The following DSCAM variants were observed in gnomAD, a reference collection of about 807,000 sequenced individuals.
DSCAM encodes the protein cell adhesion molecule DSCAM.
Under a neutral mutation model 217.7 loss-of-function variants are expected in DSCAM, and 47 were observed. The ratio of observed to expected loss-of-function variants is 0.22; its 90% CI spans 0.17 to 0.28. The LOEUF (loss-of-function observed/expected upper bound fraction) is 0.28. Ranked by LOEUF, DSCAM falls within the 10% of genes least tolerant of loss-of-function variation. The pLI is 1.00. For missense variants in DSCAM, 2,080 were observed against 2,618.3 expected (o/e 0.79, Z 4.49); for synonymous variants, 1,056 against 1,015.3 (o/e 1.04, Z -0.76).
intron 3 of DSCAM, among the ~76,000 whole-genome samples, chr21:40,471,220 C>A (rs1336989104): frequency 6.6e-6 from 1 of 152,190 alleles, no homozygotes; most frequent in African/African-American, 2.4e-5. Context: ...TCTGACCAAT[C>A]CTGCAGAAAA....
intron 1 of DSCAM, among the ~76,000 whole-genome samples, chr21:40,750,055 G>A (rs191962624): frequency 1.3e-5 from 2 of 152,048 alleles, no homozygotes; most frequent in East Asian, 1.9e-4. Flanking sequence ...AGCCTCCTGA[G>A]TAGCTGCGAT....
rs535272724 is a variant in DSCAM, at chr21:40,762,664, G to T, written c.44-53893C>A. On this transcript the variant is annotated intron_variant, in intron 1 of 32. Transcript: ENST00000400454. ...ACCTGGCAGAGACACAACAAGAAAA[G>T]AAAATTTCAGGCCGATATCCCTGAT... Among the ~76,000 whole-genome samples, 65 of 152,226 alleles carry T rather than the reference G, an allele frequency of 4.3e-4. 1 individual carries two copies. The highest frequency in any genetic ancestry group is 3.7e-3 in the Admixed American group (56 of 15,286).
intron 1 of DSCAM, among the ~76,000 whole-genome samples, chr21:40,745,769 T>G (rs1326053439): frequency 6.6e-6 from 1 of 152,090 alleles, no homozygotes; most frequent in Non-Finnish European, 1.5e-5. Flanking sequence ...TACTATAATA[T>G]TGTAATTGTG....
intron 8 of DSCAM, among the ~76,000 whole-genome samples, chr21:40,320,971 G>A (rs1030514527): frequency 6.6e-6 from 1 of 152,218 alleles, no homozygotes; most frequent in Non-Finnish European, 1.5e-5. Flanking sequence ...GAGTTTATGA[G>A]AGTTCATAGA....
At chr21:40,258,426 A>G (rs1388537633) in intron 11 of DSCAM, among the ~76,000 whole-genome samples, 2 of 152,254 alleles carry the variant, frequency 1.3e-5, no homozygotes, top group African/African-American at 4.8e-5. Context: ...AAAGTGAAAT[A>G]TGAGCTACTC....
At chr21:40,649,828 T>C (rs1233655171) in intron 3 of DSCAM, among the ~76,000 whole-genome samples, 1 of 152,212 alleles carries the variant, frequency 6.6e-6, no homozygotes, top group Non-Finnish European at 1.5e-5. Context: ...CCAGCTCCTC[T>C]TTTCACTATA....
At chr21:40,581,817 C>T (rs1387494489) in intron 3 of DSCAM, among the ~76,000 whole-genome samples, 2 of 152,122 alleles carry the variant, frequency 1.3e-5, no homozygotes, top group Admixed American at 6.5e-5. Flanking sequence ...TAAAGCTATA[C>T]AGTAACATTT....
rs1162614837 is a variant in DSCAM, at chr21:40,144,140, G to A, written c.3259+351C>T. 3.9e-5 allele frequency among the ~76,000 whole-genome samples: 6 copies of A among 152,352 alleles called. No individual in the cohort carries two copies. The South Asian group carries it at 1.2e-3, about 32-fold the overall frequency. On this transcript the variant is annotated intron_variant, in intron 17 of 32. Coordinates refer to ENST00000400454, the MANE Select transcript of DSCAM (RefSeq NM_001389.5). The surrounding 1 kb of genome is among the most constrained non-coding windows in gnomAD (Gnocchi z 4.8). ...TTTTAAAAAACCTTCTTAACATTTGGGAGAAAGTTTTTTAGCAAATAGCAT... is the reference window on the plus strand; with the variant it reads ...TTTTAAAAAACCTTCTTAACATTTGAGAGAAAGTTTTTTAGCAAATAGCAT...
chr21:40,640,604 G>A (rs904479148), intron 3 of DSCAM, among the ~76,000 whole-genome samples: 1 of 152,230 alleles, frequency 6.6e-6, no homozygotes, highest in African/African-American at 2.4e-5. Flanking sequence ...GTATAAGTGA[G>A]AGATGGGGAT....
chr21:40,406,067 A>G (rs1170279028), intron 3 of DSCAM, among the ~76,000 whole-genome samples: 3 of 152,216 alleles, frequency 2.0e-5, no homozygotes, highest in African/African-American at 7.2e-5. Flanking sequence ...ATTGCTGATC[A>G]TCAGGGAAGT....
At chr21:40,799,756 C>T (rs1027220053) in intron 1 of DSCAM, among the ~76,000 whole-genome samples, 1 of 152,162 alleles carries the variant, frequency 6.6e-6, no homozygotes, top group Non-Finnish European at 1.5e-5. Flanking sequence ...CTGCCTTTCT[C>T]TTTTAAAGAT....
intron 20 of DSCAM, among the ~76,000 whole-genome samples, chr21:40,114,834 T>C (rs1018029636): frequency 6.6e-5 from 10 of 152,164 alleles, no homozygotes; most frequent in Non-Finnish European, 1.3e-4. Context: ...CACTGGCTGT[T>C]AGAGAAATGC....
At chr21:40,564,975 G>T (rs977422922) in intron 3 of DSCAM, among the ~76,000 whole-genome samples, 6 of 152,210 alleles carry the variant, frequency 3.9e-5, no homozygotes, top group African/African-American at 1.2e-4. Context: ...ATGGGCAGAG[G>T]TGGAGGGGAG....
At chr21:40,363,304 G>A (rs904866688) in intron 4 of DSCAM, among the ~76,000 whole-genome samples, 1 of 144,054 alleles carries the variant, frequency 6.9e-6, no homozygotes, top group Non-Finnish European at 1.5e-5. Context: ...CCAGGCTGGA[G>A]TGCAATGGTG....
At chr21:40,403,933 T>C (rs2075260070) in intron 3 of DSCAM, among the ~76,000 whole-genome samples, 1 of 152,176 alleles carries the variant, frequency 6.6e-6, no homozygotes, top group African/African-American at 2.4e-5. Context: ...TTCCAAATCA[T>C]TCATCATCAT....
rs771726952 is a variant in DSCAM at position 40,042,480 on chromosome 21, G to A, written c.5577C>T (p.Thr1859=). Residue 1859 remains threonine (T), a synonymous_variant, in exon 32 of 33, where the codon ACC becomes ACT. Coordinates refer to ENST00000400454, the MANE Select transcript of DSCAM (RefSeq NM_001389.5). ...AGTNEYTDSL[T]SSTPSESGIC... ...TTCCCGATTCGGAAGGGGTGCTGGA[G>A]GTCAGACTGTCCGTGTACTCATTTG... 5.0e-6 allele frequency: 8 copies of A among 1,614,086 alleles called. No homozygotes were observed. The highest frequency in any genetic ancestry group is 5.1e-6 in the Non-Finnish European group (6 of 1,180,046).
intron 3 of DSCAM, among the ~76,000 whole-genome samples, chr21:40,477,090 C>T (rs1477292321): frequency 2.0e-5 from 3 of 151,976 alleles, no homozygotes; most frequent in Non-Finnish European, 4.4e-5. Context: ...TGCAGTCAGC[C>T]CACAGGCATT....
At chr21:40,291,906 C>T (rs370499376) in intron 10 of DSCAM, among the ~76,000 whole-genome samples, 35 of 152,290 alleles carry the variant, frequency 2.3e-4, no homozygotes, top group African/African-American at 7.7e-4. Flanking sequence ...TCTATTCTCT[C>T]GCATTTGCAG....
chr21:40,409,418 T>C (rs932696767), intron 3 of DSCAM, among the ~76,000 whole-genome samples: 3 of 152,212 alleles, frequency 2.0e-5, no homozygotes, highest in African/African-American at 7.2e-5. Flanking sequence ...TTTCCAGAGA[T>C]GACCCAACCA....
Sources: gnomAD v4.1 joint callset for allele counts (sites outside exome capture counted in the v4.1 genomes callset) on GRCh38, gnomAD v4.1.1 for gene constraint, Gnocchi (gnomAD v3.1) non-coding constraint, MANE v1.5 for transcripts, NCBI Gene and HGNC (gene_info 2026-07-23, HGNC 2026-07-21) for gene names.